Variants in IPCEF1 observed in about 807,000 individuals in gnomAD.
IPCEF1 encodes the protein interactor protein for cytohesin exchange factors 1.
In IPCEF1, 31 loss-of-function variants were observed where a neutral mutation model predicts 50.9. The observed-to-expected ratio is 0.61, with a 90% CI of 0.46 to 0.82. The LOEUF is 0.82. Among genes scored for constraint, IPCEF1 ranks in the 40% least tolerant of loss-of-function variants. The pLI is 0.00. For synonymous variants in IPCEF1, 181 were observed against 192.0 expected, an observed-to-expected ratio of 0.94 and a Z score of 0.47; for missense variants, 458 against 514.0, an observed-to-expected ratio of 0.89 and a Z score of 1.05.
intron 3 of IPCEF1, among the ~76,000 whole-genome samples, chr6:154,260,355 T>C (rs369888751): frequency 1.6e-4 from 24 of 152,322 alleles, no homozygotes; most frequent in African/African-American, 5.5e-4. Flanking sequence ...GTACAGGAAC[T>C]ATGTATAACA....
At position 154,282,175 on chromosome 6, in the gene IPCEF1, A is replaced by T. The variant is rs186869601; in HGVS notation, c.-18+7538T>A. ...CAGAGCAAGACTCTGTCTCAAAATT[A>T]AAAAATAAATAAATAAATAAAATAA... On this transcript the variant is annotated intron_variant, in intron 2 of 11. Transcript: ENST00000367220. Among the ~76,000 whole-genome samples the T allele has an allele frequency of 5.4e-3, 766 of 140,902 alleles. 4 individuals are homozygous for T. Among genetic ancestry groups the T allele is most frequent in the African/African-American group, 0.023 (723 of 30,880 alleles). The allele number at this position is 140,902 out of a possible 152,430, so 92.4% of individuals were successfully genotyped here.
chr6:154,186,358 G>T (rs1374898732), intron 10 of IPCEF1, among the ~76,000 whole-genome samples: 3 of 152,070 alleles, frequency 2.0e-5, no homozygotes, highest in Non-Finnish European at 2.9e-5. Flanking sequence ...CTTTCAAACC[G>T]CATGTCAGCA....
intron 5 of IPCEF1, among the ~76,000 whole-genome samples, chr6:154,234,446 C>A (rs1562557715): frequency 6.6e-6 from 1 of 152,198 alleles, no homozygotes; most frequent in Non-Finnish European, 1.5e-5. Context: ...CCCAAATCCT[C>A]TTCTCAAGAA....
chr6:154,174,432 C>T (rs548646066), intron 10 of IPCEF1, among the ~76,000 whole-genome samples: 23 of 152,042 alleles, frequency 1.5e-4, no homozygotes, highest in Non-Finnish European at 2.8e-4. Flanking sequence ...ACCCATCTCA[C>T]GTGCAGAGAC....
At chr6:154,213,829 C>G (rs1416406686) in intron 8 of IPCEF1, among the ~76,000 whole-genome samples, 2 of 152,128 alleles carry the variant, frequency 1.3e-5, no homozygotes, top group Non-Finnish European at 2.9e-5. Flanking sequence ...CAGTACACAC[C>G]TGGTGGAAAT....
chr6:154,351,974 G>A (rs955343759), intron 1 of IPCEF1, among the ~76,000 whole-genome samples: 1 of 152,188 alleles, frequency 6.6e-6, no homozygotes, highest in East Asian at 1.9e-4. Context: ...ACACACTGAG[G>A]CCTGTGAGGG....
intron 3 of IPCEF1, among the ~76,000 whole-genome samples, chr6:154,255,948 T>A (rs1309653136): frequency 6.6e-6 from 1 of 152,236 alleles, no homozygotes; most frequent in Non-Finnish European, 1.5e-5. Flanking sequence ...CTTAAACATT[T>A]TGTCGAGCTT....
At chr6:154,230,984 G>C (rs1779669140) in intron 5 of IPCEF1, among the ~76,000 whole-genome samples, 1 of 152,128 alleles carries the variant, frequency 6.6e-6, no homozygotes, top group South Asian at 2.1e-4. Context: ...GTTACCCAAT[G>C]ACTATCTGAA....
At chr6:154,208,726 T>G (rs1046313688) in intron 9 of IPCEF1, among the ~76,000 whole-genome samples, 1 of 152,232 alleles carries the variant, frequency 6.6e-6, no homozygotes, top group Non-Finnish European at 1.5e-5. Context: ...TTTAGTGACT[T>G]TTATAGCTCT....
At chr6:154,196,087 G>A (rs1046048205) in intron 10 of IPCEF1, among the ~76,000 whole-genome samples, 17 of 152,076 alleles carry the variant, frequency 1.1e-4, no homozygotes, top group African/African-American at 4.1e-4. Flanking sequence ...ACCCTGCCCA[G>A]TCCCCCTGGT....
chr6:154,237,530 T>C (rs986179756), intron 5 of IPCEF1, among the ~76,000 whole-genome samples: 8 of 152,192 alleles, frequency 5.3e-5, no homozygotes, highest in African/African-American at 1.9e-4. Context: ...TTGTATACAT[T>C]CCTTTGATTT....
At chr6:154,248,348 G>A (rs28372616) in intron 3 of IPCEF1, among the ~76,000 whole-genome samples, 6 of 144,500 alleles carry the variant, frequency 4.2e-5, no homozygotes, top group Admixed American at 6.8e-5. Flanking sequence ...TAGAGAGAGA[G>A]AAAAAAAATT....
chr6:154,267,025 C>T (rs994048577), intron 2 of IPCEF1, among the ~76,000 whole-genome samples: 1 of 151,886 alleles, frequency 6.6e-6, no homozygotes, highest in Non-Finnish European at 1.5e-5. Flanking sequence ...ACTCCTTTTT[C>T]ATATTAAAAA....
chr6:154,353,294 T>A (rs894980454), intron 1 of IPCEF1, among the ~76,000 whole-genome samples: 1 of 102,226 alleles, frequency 9.8e-6, no homozygotes, highest in South Asian at 4.2e-4. Context: ...TTCCTTTTCC[T>A]TTTTTTTTTT....
chr6:154,247,549 G>C, intron 3 of IPCEF1, 61 bp from the exon 4 acceptor site: 1 of 1,441,248 alleles, frequency 6.9e-7, no homozygotes, highest in Non-Finnish European at 9.7e-7. Context: ...CATTTGTAAA[G>C]AGAGAAGGAG....
intron 1 of IPCEF1, among the ~76,000 whole-genome samples, chr6:154,329,854 T>C (rs1055633847): frequency 6.6e-6 from 1 of 152,164 alleles, no homozygotes; most frequent in Non-Finnish European, 1.5e-5. Flanking sequence ...CATCAGGAAA[T>C]GCTCATCTGA....
At chr6:154,194,713 A>C (rs1562534157) in intron 10 of IPCEF1, among the ~76,000 whole-genome samples, 1 of 152,182 alleles carries the variant, frequency 6.6e-6, no homozygotes, top group African/African-American at 2.4e-5. Flanking sequence ...TGTAAAATCT[A>C]AGTACTATGA....
intron 5 of IPCEF1, among the ~76,000 whole-genome samples, chr6:154,239,586 C>T (rs1441560925): frequency 1.3e-5 from 2 of 152,226 alleles, no homozygotes; most frequent in Non-Finnish European, 2.9e-5. Flanking sequence ...ACGTTTTGCC[C>T]TGTCCAGACA....
chr6:154,337,262 C>T (rs957654824), intron 1 of IPCEF1, among the ~76,000 whole-genome samples: 4 of 152,002 alleles, frequency 2.6e-5, no homozygotes, highest in African/African-American at 4.8e-5. Flanking sequence ...AGAGCAAAAG[C>T]GGAAAGAAAA....
Sources: allele counts gnomAD v4.1 joint callset (sites outside exome capture counted in the v4.1 genomes callset), GRCh38; gene constraint gnomAD v4.1.1; transcripts MANE v1.5; gene names NCBI Gene and HGNC (gene_info 2026-07-23, HGNC 2026-07-21).